CSMD1: variants seen among roughly 807,000 people sequenced by gnomAD.
CSMD1 encodes the protein CUB and sushi domain-containing protein 1.
In CSMD1, 213 loss-of-function variants were observed where a neutral mutation model predicts 417.5. That is an observed-to-expected ratio of 0.51 (90% CI 0.46 to 0.57). The LOEUF is 0.57. Ranked by LOEUF, CSMD1 falls within the 20% of genes least tolerant of loss-of-function variation. CSMD1 has a pLI of 0.00. For missense variants in CSMD1, 6,923 were observed against 4,529.7 expected (o/e 1.53, Z -15.17); for synonymous variants, 2,862 against 1,736.8 (o/e 1.65, Z -16.11).
At chr8:3,424,301 T>C (rs879839774) in intron 12 of CSMD1, among the ~76,000 whole-genome samples, 1 of 152,196 alleles carries the variant, frequency 6.6e-6, no homozygotes, top group Non-Finnish European at 1.5e-5. Context: ...TAGTTTAGTC[T>C]ATTAATTTTG....
At chr8:4,791,607 C>CA in intron 1 of CSMD1, among the ~76,000 whole-genome samples, 1 of 152,276 alleles carries the variant, frequency 6.6e-6, no homozygotes, top group Admixed American at 6.5e-5. Flanking sequence ...CCTTAAGCAG[C>CA]AATGTTACCA....
intron 5 of CSMD1, among the ~76,000 whole-genome samples, chr8:3,931,257 G>C (rs148943797): frequency 6.7e-6 from 1 of 150,310 alleles, no homozygotes; most frequent in Non-Finnish European, 1.5e-5. Context: ...TTCTCAGAAC[G>C]CTCTGCATTT....
chr8:3,282,670 G>C (rs1480085686), intron 26 of CSMD1, among the ~76,000 whole-genome samples: 1 of 152,118 alleles, frequency 6.6e-6, no homozygotes, highest in Non-Finnish European at 1.5e-5. Flanking sequence ...CCATGTACAA[G>C]TACTATTCCA....
At chr8:3,739,801 A>T (rs926115269) in intron 6 of CSMD1, among the ~76,000 whole-genome samples, 111 of 148,058 alleles carry the variant, frequency 7.5e-4, no homozygotes, top group South Asian at 1.5e-3. Context: ...GTAAAAAAAA[A>T]TTCAATTTTG....
intron 10 of CSMD1, among the ~76,000 whole-genome samples, chr8:3,564,224 A>G (rs1010748133): frequency 2.6e-5 from 4 of 152,184 alleles, no homozygotes; most frequent in African/African-American, 9.7e-5. Context: ...CTACTCTACT[A>G]TTGAATACTA....
At chr8:3,223,471 C>T (rs1414598587) in intron 28 of CSMD1, among the ~76,000 whole-genome samples, 1 of 152,134 alleles carries the variant, frequency 6.6e-6, no homozygotes, top group Non-Finnish European at 1.5e-5. Context: ...TCTGTTTAAG[C>T]CTTCTCATAT....
At chr8:4,072,964 G>C (rs538605821) in intron 3 of CSMD1, among the ~76,000 whole-genome samples, 1 of 152,090 alleles carries the variant, frequency 6.6e-6, no homozygotes, top group Non-Finnish European at 1.5e-5. Context: ...AATTTTGCTC[G>C]TGACATCAGA....
chr8:4,782,199 T>G (rs1797185410), intron 1 of CSMD1, among the ~76,000 whole-genome samples: 1 of 152,174 alleles, frequency 6.6e-6, no homozygotes. Flanking sequence ...TATTGCACAG[T>G]AGAGTGACTC....
chr8:3,933,551 C>T (rs987248746), intron 5 of CSMD1, among the ~76,000 whole-genome samples: 1 of 152,060 alleles, frequency 6.6e-6, no homozygotes, highest in Non-Finnish European at 1.5e-5. Context: ...AGATGAGAGT[C>T]CTGGCAAAAC....
chr8:3,644,879 G>A (rs939418431), intron 7 of CSMD1, among the ~76,000 whole-genome samples: 3 of 146,270 alleles, frequency 2.1e-5, no homozygotes, highest in Admixed American at 6.9e-5. Flanking sequence ...GGGTGCATCT[G>A]CCATGCAGTG....
intron 7 of CSMD1, among the ~76,000 whole-genome samples, chr8:3,682,722 G>A (rs951184863): frequency 6.6e-5 from 10 of 152,272 alleles, no homozygotes; most frequent in African/African-American, 2.4e-4. Context: ...AAATCATGCT[G>A]TTATAAAGAC....
Position 3,675,389 on chromosome 8 carries a change from T to C in CSMD1, c.1009+33025A>G, listed in dbSNP as rs985704185. Among the ~76,000 whole-genome samples, 4 of 152,170 alleles carry C rather than the reference T, an allele frequency of 2.6e-5. No homozygotes were observed. In the East Asian group the frequency reaches 7.7e-4, roughly 29 times the overall value. ...GGCCTCAGCAATGTGGGCTTGGATA[T>C]GCTATCTTGTTTTGTTTGCTAATGA... On this transcript the variant is annotated intron_variant, in intron 7 of 69. Transcript: ENST00000635120.
intron 26 of CSMD1, among the ~76,000 whole-genome samples, chr8:3,255,166 C>T (rs1036927346): frequency 1.3e-5 from 2 of 152,180 alleles, no homozygotes; most frequent in African/African-American, 2.4e-5. Context: ...GTATCAGTAG[C>T]AGAGGCTGCA....
chr8:3,546,014 G>A (rs1010677779), intron 10 of CSMD1, among the ~76,000 whole-genome samples: 1 of 152,208 alleles, frequency 6.6e-6, no homozygotes, highest in African/African-American at 2.4e-5. Flanking sequence ...ATGACACTGA[G>A]AAAGATTTCT....
At chr8:4,119,957 A>AC (rs61377862) in intron 3 of CSMD1, among the ~76,000 whole-genome samples, 24,586 of 151,644 alleles carry the variant, frequency 0.16, 2,146 homozygotes, top group South Asian at 0.31. Context: ...GTATCAAAAA[A>AC]ATTAGTTTAA....
chr8:2,935,822 C>T lies in CSMD1; in HGVS notation c.*2763G>A, dbSNP rs969169857. 2.6e-5 allele frequency: 4 copies of T among 151,886 alleles called. No homozygotes were observed. The highest frequency in any genetic ancestry group is 9.7e-5 in the African/African-American group (4 of 41,322). 9.4% of individuals were successfully genotyped at this position (151,886 alleles called of 1,614,324 possible). A position where few individuals can be genotyped will look rare whatever the true frequency, so the allele number is the denominator to read the frequency against. Reference sequence around the variant, plus strand: ...TATAATAGCTTTTTGTTGTTGTTTACAAAATATTTTACAGAAGAAAAAAAT... The same window carrying T: ...TATAATAGCTTTTTGTTGTTGTTTATAAAATATTTTACAGAAGAAAAAAAT... On this transcript the variant is annotated 3_prime_UTR_variant, in exon 70 of 70. Transcript: ENST00000635120.
intron 1 of CSMD1, among the ~76,000 whole-genome samples, chr8:4,862,310 C>A (rs571360110): frequency 6.6e-6 from 1 of 152,082 alleles, no homozygotes; most frequent in African/African-American, 2.4e-5. Flanking sequence ...ATCATCAGAA[C>A]CTTATGAATG....
intron 23 of CSMD1, among the ~76,000 whole-genome samples, chr8:3,309,897 T>C (rs1188552928): frequency 6.6e-6 from 1 of 152,180 alleles, no homozygotes; most frequent in Non-Finnish European, 1.5e-5. Context: ...CTTGATCCTT[T>C]GCACTCAGTG....
intron 5 of CSMD1, among the ~76,000 whole-genome samples, chr8:3,815,876 C>G (rs925562874): frequency 6.6e-6 from 1 of 152,106 alleles, no homozygotes; most frequent in Non-Finnish European, 1.5e-5. Context: ...ATGCTCCAGA[C>G]TTGTTACACT....
Sources: gnomAD v4.1 joint callset for allele counts (sites outside exome capture counted in the v4.1 genomes callset) on GRCh38, gnomAD v4.1.1 for gene constraint, MANE v1.5 for transcripts, NCBI Gene and HGNC (gene_info 2026-07-23, HGNC 2026-07-21) for gene names.